The following ZMYM5 variants were observed in gnomAD, a reference collection of about 807,000 sequenced individuals.
ZMYM5 encodes zinc finger MYM-type protein 5.
Under a neutral mutation model 61.8 loss-of-function variants are expected in ZMYM5, and 41 were observed. That is an observed-to-expected ratio of 0.66 (90% CI 0.52 to 0.86). The LOEUF is 0.86. Among genes scored for constraint, ZMYM5 ranks in the 40% least tolerant of loss-of-function variants. ZMYM5 has a pLI of 0.00. For synonymous variants in ZMYM5, 257 were observed against 276.4 expected (o/e 0.93, Z 0.70); for missense variants, 706 against 786.7 (o/e 0.90, Z 1.23).
chr13:19,837,528 T>C (rs953793003), intron 6 of ZMYM5, 128 bp downstream of exon 6: 24 of 1,603,902 alleles, frequency 1.5e-5, no homozygotes, highest in Non-Finnish European at 1.9e-5. Context: ...ATCCTTATTC[T>C]TCCTTTCAGC....
chr13:19,861,738 C>T (rs1309920301), intron 2 of ZMYM5, among the ~76,000 whole-genome samples: 1 of 151,942 alleles, frequency 6.6e-6, no homozygotes, highest in African/African-American at 2.4e-5. Context: ...TTTGTCACTC[C>T]TAATGAAATT....
Position 19,862,500 on chromosome 13 carries a change from A to C in ZMYM5, c.-78-34T>G, listed in dbSNP as rs555305027. Reference sequence around the variant, plus strand: ...AGAATTGAAAACCAATTTCGGTACAACCAATCTGGATGCACAACCAACTCA... The same window carrying C: ...AGAATTGAAAACCAATTTCGGTACACCCAATCTGGATGCACAACCAACTCA... On this transcript the variant is annotated intron_variant, in intron 1 of 7. Transcript: ENST00000337963. The C allele has an allele frequency of 2.6e-5, 4 of 152,366 alleles. No homozygotes were observed. The East Asian group carries it at 7.7e-4, about 29-fold the overall frequency. 9.4% of individuals were successfully genotyped at this position (152,366 alleles called of 1,614,324 possible).
intron 6 of ZMYM5, chr13:19,837,338 C>G (rs1952705271): frequency 8.9e-7 from 1 of 1,127,068 alleles, no homozygotes; most frequent in African/African-American, 1.7e-5. Context: ...AGTTTTCCAG[C>G]CCTTGACCCC....
intron 4 of ZMYM5, among the ~76,000 whole-genome samples, chr13:19,843,070 C>A (rs1383141054): frequency 6.6e-6 from 1 of 151,292 alleles, no homozygotes; most frequent in Non-Finnish European, 1.5e-5. Flanking sequence ...CCTGCATCGG[C>A]CTCCCAAAGT....
chr13:19,850,539 T>A (rs1271789963), intron 4 of ZMYM5, among the ~76,000 whole-genome samples: 1 of 151,964 alleles, frequency 6.6e-6, no homozygotes, highest in Non-Finnish European at 1.5e-5. Context: ...AGGGAGGGGC[T>A]GCAGTGAGCC....
At chr13:19,852,822 G>A (rs1397182252) in intron 2 of ZMYM5, among the ~76,000 whole-genome samples, 1 of 152,118 alleles carries the variant, frequency 6.6e-6, no homozygotes, top group Non-Finnish European at 1.5e-5. Flanking sequence ...CATAACACTG[G>A]GAGTAAGACT....
chr13:19,846,000 G>C (rs184826454), intron 4 of ZMYM5, among the ~76,000 whole-genome samples: 12 of 152,242 alleles, frequency 7.9e-5, no homozygotes, highest in African/African-American at 2.4e-4. Context: ...CATCTTTCTG[G>C]TGTTTAGACT....
intron 4 of ZMYM5, among the ~76,000 whole-genome samples, chr13:19,845,443 T>TCACCTTCCA (rs1953041345): frequency 6.6e-6 from 1 of 152,206 alleles, no homozygotes. Context: ...CTTATGAATG[T>TCACCTTCCA]TATCCTAACA....
chr13:19,837,474 A>G, intron 6 of ZMYM5, 182 bp downstream of exon 6: 2 of 1,577,294 alleles, frequency 1.3e-6, no homozygotes, highest in South Asian at 2.4e-5. Context: ...TGCTATGCAA[A>G]TGGAATTTTA....
intron 7 of ZMYM5, among the ~76,000 whole-genome samples, chr13:19,826,108 C>T (rs1165588346): frequency 6.7e-6 from 1 of 148,506 alleles, no homozygotes; most frequent in East Asian, 2.0e-4. Context: ...AAACTGGAAC[C>T]TCTCTAAGAT....
intron 7 of ZMYM5, among the ~76,000 whole-genome samples, chr13:19,834,582 C>G (rs1425019921): frequency 6.6e-6 from 1 of 152,192 alleles, no homozygotes; most frequent in East Asian, 1.9e-4. Flanking sequence ...AGCACCTCAC[C>G]TGGCTCCAAA....
intron 2 of ZMYM5, among the ~76,000 whole-genome samples, chr13:19,861,323 AT>A (rs1298871194): frequency 6.6e-6 from 1 of 151,900 alleles, no homozygotes; most frequent in Non-Finnish European, 1.5e-5. Flanking sequence ...TAATTTTTGT[AT>A]TTTTTGTAGA....
At chr13:19,848,074 A>T (rs772974532) in intron 4 of ZMYM5, among the ~76,000 whole-genome samples, 3 of 149,106 alleles carry the variant, frequency 2.0e-5, no homozygotes, top group African/African-American at 7.4e-5. Flanking sequence ...GAGATCAAGC[A>T]ATTCTCATGC....
At chr13:19,858,557 C>A (rs1414606218) in intron 2 of ZMYM5, among the ~76,000 whole-genome samples, 2 of 125,530 alleles carry the variant, frequency 1.6e-5, no homozygotes, top group Admixed American at 2.1e-4. Context: ...GCACTCCAGC[C>A]TGGGTGACAG....
In ZMYM5 at chr13:19,840,739, C is replaced by A. The variant is rs111661086; in HGVS notation, c.587-1754G>T. Reference sequence around the variant, plus strand: ...TCGCCCAGGCTGGAGTGCAGTGGTGCGATCTCGGCTCACTGCAAGCTCCAC... The same window carrying A: ...TCGCCCAGGCTGGAGTGCAGTGGTGAGATCTCGGCTCACTGCAAGCTCCAC... On this transcript the variant is annotated intron_variant, in intron 4 of 7. Transcript: ENST00000337963. Among the ~76,000 whole-genome samples the A allele has an allele frequency of 2.5e-3, 374 of 151,664 alleles. 2 individuals are homozygous for A. The highest frequency in any genetic ancestry group is 6.9e-3 in the African/African-American group (286 of 41,310).
chr13:19,854,760 C>A lies in ZMYM5; in HGVS notation c.-10-2570G>T, dbSNP rs184030662. 7.9e-4 allele frequency among the ~76,000 whole-genome samples: 120 copies of A among 151,814 alleles called. 1 individual carries two copies. Among genetic ancestry groups the A allele is most frequent in the African/African-American group, 2.7e-3 (112 of 41,404 alleles). On this transcript the variant is annotated intron_variant, in intron 2 of 7. Transcript: ENST00000337963. Reference sequence around the variant, plus strand: ...AATGATTACTTAAGTGAGGAAGGAACTATTACTTTTCCCATTTTGCCAATT... The same window carrying A: ...AATGATTACTTAAGTGAGGAAGGAAATATTACTTTTCCCATTTTGCCAATT...
chr13:19,832,885 C>T (rs1262666449), intron 7 of ZMYM5, among the ~76,000 whole-genome samples: 1 of 136,522 alleles, frequency 7.3e-6, no homozygotes. Flanking sequence ...TGTACAACCA[C>T]CATATCTGGC....
intron 4 of ZMYM5, among the ~76,000 whole-genome samples, chr13:19,847,702 G>C (rs1187767213): frequency 6.6e-6 from 1 of 150,382 alleles, no homozygotes; most frequent in Non-Finnish European, 1.5e-5. Context: ...GAGTGCAGTG[G>C]CGTGATCTTG....
intron 4 of ZMYM5, among the ~76,000 whole-genome samples, chr13:19,842,318 T>C (rs1200768590): frequency 6.6e-6 from 1 of 152,178 alleles, no homozygotes; most frequent in African/African-American, 2.4e-5. Flanking sequence ...TTAAATACAA[T>C]TCAACTCCAG....
Sources: allele counts gnomAD v4.1 joint callset (sites outside exome capture counted in the v4.1 genomes callset), GRCh38; gene constraint gnomAD v4.1.1; transcripts MANE v1.5; gene names NCBI Gene and HGNC (gene_info 2026-07-23, HGNC 2026-07-21).